LINGO2: variants seen among roughly 807,000 people sequenced by gnomAD.
LINGO2 encodes leucine rich repeat and Ig domain containing 2.
A neutral mutation model predicts 30.6 loss-of-function variants in LINGO2; 14 were observed. That is an observed-to-expected ratio of 0.46 (90% CI 0.30 to 0.72). The LOEUF (loss-of-function observed/expected upper bound fraction) is 0.72, where lower values mean the gene tolerates loss of function less well. Among genes scored for constraint, LINGO2 ranks in the 30% least tolerant of loss-of-function variants. The pLI is 0.07. For synonymous variants in LINGO2, 317 were observed against 288.5 expected (o/e 1.10, Z -1.00); for missense variants, 729 against 751.7 (o/e 0.97, Z 0.35).
Position 28,308,983 on chromosome 9 carries a change from G to A in LINGO2, c.-245-13617C>T, listed in dbSNP as rs1052746154. Among the ~76,000 whole-genome samples, 16 of 152,172 alleles carry A rather than the reference G, an allele frequency of 1.1e-4. No individual in the cohort carries two copies. The South Asian group carries it at 1.7e-3, about 16-fold the overall frequency. On this transcript the variant is annotated intron_variant, in intron 3 of 5. Transcript: ENST00000379992. ...ATAGGAACACTTTTACACTGTTGGT[G>A]GGACTGTAAACTAGTTCAACCATTG...
chr9:28,863,694 C>A, the LINGO2 span: 1 of 529,736 alleles, frequency 1.9e-6, no homozygotes. Context: ...ACAAAGAAAT[C>A]CACAGCACTT....
chr9:29,162,443 C>G, the LINGO2 span, among the ~76,000 whole-genome samples: 1 of 152,256 alleles, frequency 6.6e-6, no homozygotes, highest in South Asian at 2.1e-4. Flanking sequence ...TTATAAACTT[C>G]AGAGAAAGGA....
the LINGO2 span, among the ~76,000 whole-genome samples, chr9:28,986,362 T>C: frequency 1.3e-5 from 2 of 152,106 alleles, no homozygotes; most frequent in Non-Finnish European, 2.9e-5. Context: ...ATTCAAGGTT[T>C]TTGAGAATTC....
At chr9:28,176,178 C>G (rs1828745095) in intron 4 of LINGO2, among the ~76,000 whole-genome samples, 1 of 152,148 alleles carries the variant, frequency 6.6e-6, no homozygotes, top group South Asian at 2.1e-4. Context: ...TTCCACAGCC[C>G]AGTCACAGGA....
At chr9:28,753,396 A>G in the LINGO2 span, among the ~76,000 whole-genome samples, 1 of 152,110 alleles carries the variant, frequency 6.6e-6, no homozygotes, top group African/African-American at 2.4e-5. Flanking sequence ...CAATCCTAAT[A>G]TAAGGCTGCA....
intron 5 of LINGO2, among the ~76,000 whole-genome samples, 190 bp from the exon 7 acceptor site, chr9:27,950,896 A>C (rs1453212363): frequency 6.6e-6 from 1 of 152,176 alleles, no homozygotes; most frequent in Non-Finnish European, 1.5e-5. Context: ...ATCTCTCTGC[A>C]TTTTAGTTTT....
At chr9:28,819,370 G>A in the LINGO2 span, among the ~76,000 whole-genome samples, 1 of 151,862 alleles carries the variant, frequency 6.6e-6, no homozygotes, top group Non-Finnish European at 1.5e-5. Flanking sequence ...CTCCCAAGTT[G>A]GCAGCTATAT....
the LINGO2 span, among the ~76,000 whole-genome samples, chr9:28,938,118 A>G: frequency 1.3e-5 from 2 of 152,212 alleles, no homozygotes; most frequent in South Asian, 4.1e-4. Context: ...GTTCCATTCT[A>G]TAGAATTTCA....
chr9:28,974,114 A>G, the LINGO2 span, among the ~76,000 whole-genome samples: 3 of 152,210 alleles, frequency 2.0e-5, no homozygotes, highest in Non-Finnish European at 4.4e-5. Flanking sequence ...CAGTACAACA[A>G]TATATAAATA....
the LINGO2 span, among the ~76,000 whole-genome samples, chr9:28,774,694 T>G: frequency 6.6e-6 from 1 of 152,208 alleles, no homozygotes; most frequent in South Asian, 2.1e-4. Flanking sequence ...GGAGGATAGC[T>G]AATTTACAAT....
intron 4 of LINGO2, among the ~76,000 whole-genome samples, chr9:28,146,353 G>C (rs1192894309): frequency 6.6e-6 from 1 of 152,094 alleles, no homozygotes; most frequent in Non-Finnish European, 1.5e-5. Context: ...AAACTATAGA[G>C]TTATTTATCC....
chr9:28,859,410 A>G, the LINGO2 span, among the ~76,000 whole-genome samples: 1 of 152,098 alleles, frequency 6.6e-6, no homozygotes. Flanking sequence ...TCAGAATCTG[A>G]GTAATTCAAT....
chr9:29,000,820 T>C, the LINGO2 span, among the ~76,000 whole-genome samples: 2 of 151,958 alleles, frequency 1.3e-5, no homozygotes, highest in Non-Finnish European at 2.9e-5. Flanking sequence ...AAAGACTCTG[T>C]ATTAAGGTTG....
chr9:28,808,986 T>G, the LINGO2 span, among the ~76,000 whole-genome samples: 1 of 152,150 alleles, frequency 6.6e-6, no homozygotes, highest in Non-Finnish European at 1.5e-5. Context: ...TTACCAGATT[T>G]TTATGCACTT....
At chr9:28,411,543 T>C (rs1822763738) in intron 2 of LINGO2, among the ~76,000 whole-genome samples, 1 of 152,128 alleles carries the variant, frequency 6.6e-6, no homozygotes, top group African/African-American at 2.4e-5. Context: ...CTGCTCTCTG[T>C]GTCTGATTTC....
chr9:28,941,711 T>C, the LINGO2 span, among the ~76,000 whole-genome samples: 3 of 152,250 alleles, frequency 2.0e-5, no homozygotes, highest in African/African-American at 4.8e-5. Flanking sequence ...CAAAAACAAA[T>C]TTTTGTGTGT....
At chr9:28,997,512 A>G in the LINGO2 span, among the ~76,000 whole-genome samples, 6 of 152,104 alleles carry the variant, frequency 3.9e-5, no homozygotes, top group Non-Finnish European at 5.9e-5. Flanking sequence ...AGTAATACAT[A>G]AGAAGGTCTC....
chr9:28,529,625 T>G (rs1821155794), intron 1 of LINGO2, among the ~76,000 whole-genome samples: 1 of 150,132 alleles, frequency 6.7e-6, no homozygotes, highest in Admixed American at 6.7e-5. Context: ...TTTTTTTTTT[T>G]GCCATCTCTA....
intron 4 of LINGO2, among the ~76,000 whole-genome samples, chr9:28,100,893 G>A (rs954340082): frequency 3.3e-5 from 5 of 151,898 alleles, no homozygotes; most frequent in South Asian, 2.1e-4. Flanking sequence ...GCTCTTATTC[G>A]CCACCCACGA....
Sources: gnomAD v4.1 joint callset for allele counts (sites outside exome capture counted in the v4.1 genomes callset) on GRCh38, gnomAD v4.1.1 for gene constraint, MANE v1.5 for transcripts, NCBI Gene and HGNC (gene_info 2026-07-23, HGNC 2026-07-21) for gene names.